Variants in PEBP4 observed in about 807,000 individuals in gnomAD.
The protein encoded by PEBP4 is phosphatidylethanolamine binding protein 4, also known as phosphatidylethanolamine-binding protein 4.
Under a neutral mutation model 23.9 loss-of-function variants are expected in PEBP4, and 22 were observed. The ratio of observed to expected loss-of-function variants is 0.92; its 90% confidence interval spans 0.66 to 1.31. The LOEUF is 1.31. Among genes scored for constraint, PEBP4 ranks in the 40% most tolerant of loss-of-function variants. The pLI is 0.00. For synonymous variants in PEBP4, 112 were observed against 99.3 expected (o/e 1.13, Z -0.76); for missense variants, 324 against 281.7 (o/e 1.15, Z -1.07).
chr8:22,803,104 T>C (rs1422029655), intron 4 of PEBP4, among the ~76,000 whole-genome samples: 1 of 152,106 alleles, frequency 6.6e-6, no homozygotes, highest in Admixed American at 6.6e-5. Context: ...CTCTCCTCAC[T>C]CTCCTCCCAG....
rs533694090 is a variant in PEBP4 at position 22,847,711 on chromosome 8, G to C, written c.259-29976C>G. Among the ~76,000 whole-genome samples the C allele has an allele frequency of 3.9e-5, 6 of 152,264 alleles. No homozygotes were observed. In the South Asian group the frequency reaches 1.2e-3, roughly 32 times the overall value. Reference sequence around the variant, plus strand: ...CCCCTGTCCCCTTCCCTACAAAGATGGTTGTCACCCCTAGGAACAGCATCA... The same window carrying C: ...CCCCTGTCCCCTTCCCTACAAAGATCGTTGTCACCCCTAGGAACAGCATCA... On this transcript the variant is annotated intron_variant, in intron 3 of 6. Transcript: ENST00000256404.
At chr8:22,804,131 A>T (rs1234486412) in intron 4 of PEBP4, among the ~76,000 whole-genome samples, 1 of 152,180 alleles carries the variant, frequency 6.6e-6, no homozygotes, top group Non-Finnish European at 1.5e-5. Context: ...GTGGTTCAAG[A>T]GCAACCTGGG....
rs1806534429 is a variant in PEBP4 at position 22,807,907 on chromosome 8, CCT to C, written c.357+9728_357+9729del. Among the ~76,000 whole-genome samples the C allele has an allele frequency of 2.0e-5, 3 of 147,428 alleles. No individual in the cohort carries two copies. In the South Asian group the frequency reaches 6.7e-4, roughly 33 times the overall value. On this transcript the variant is annotated intron_variant, in intron 4 of 6. Transcript: ENST00000256404. Reference sequence around the variant, plus strand: ...TCCATCCATCCATCCACCCACCCAACCTCTGTCCACCTATCCATTCATCCACC... The same window carrying C: ...TCCATCCATCCATCCACCCACCCAACCTGTCCACCTATCCATTCATCCACC...
chr8:22,878,753 G>C (rs1004883770), intron 3 of PEBP4, among the ~76,000 whole-genome samples: 1 of 152,206 alleles, frequency 6.6e-6, no homozygotes, highest in Non-Finnish European at 1.5e-5. Flanking sequence ...AGGGAACAGA[G>C]AGCAAACTGG....
chr8:22,776,590 C>A (rs1805819234), intron 4 of PEBP4, among the ~76,000 whole-genome samples: 1 of 151,814 alleles, frequency 6.6e-6, no homozygotes, highest in Non-Finnish European at 1.5e-5. Context: ...CAGCCGAGTC[C>A]TCTCTGCATT....
intron 3 of PEBP4, among the ~76,000 whole-genome samples, chr8:22,913,751 C>T (rs990863970): frequency 1.3e-5 from 2 of 152,210 alleles, no homozygotes; most frequent in African/African-American, 2.4e-5. Flanking sequence ...CCAGTCGACC[C>T]CTCAACCCCT....
chr8:22,855,031 CACACACACACACAT>C (rs142816583), intron 3 of PEBP4, among the ~76,000 whole-genome samples: 4,373 of 72,886 alleles, frequency 0.06, 168 homozygotes, highest in African/African-American at 0.13. Context: ...CACACACACA[CACACACACACACAT>C]GCACCCCAGG....
chr8:22,923,439 G>A lies in PEBP4; in HGVS notation c.132-3129C>T, dbSNP rs75147142. Among the ~76,000 whole-genome samples the A allele has an allele frequency of 4.5e-3, 690 of 152,174 alleles. 5 individuals are homozygous for A. Among genetic ancestry groups the A allele is most frequent in the Non-Finnish European group, 7.3e-3 (496 of 67,992 alleles). On this transcript the variant is annotated intron_variant, in intron 2 of 6. Coordinates refer to ENST00000256404, the MANE Select transcript of PEBP4 (RefSeq NM_144962.3). ...AAAAATTAGCCAAGTGTGGTGGTACGCATCTGTAGTCCAGCTATATGGGAG... is the reference window on the plus strand; with the variant it reads ...AAAAATTAGCCAAGTGTGGTGGTACACATCTGTAGTCCAGCTATATGGGAG...
upstream of PEBP4, among the ~76,000 whole-genome samples, chr8:22,928,943 C>T (rs774222251): frequency 6.6e-6 from 1 of 152,156 alleles, no homozygotes; most frequent in African/African-American, 2.4e-5. Flanking sequence ...CAACCTGTAG[C>T]AAAAAGCCCC....
intron 4 of PEBP4, among the ~76,000 whole-genome samples, chr8:22,804,600 T>G (rs757658827): frequency 1.3e-5 from 2 of 152,118 alleles, no homozygotes; most frequent in Non-Finnish European, 2.9e-5. Context: ...GACTTAATCA[T>G]CTTACATTAC....
intron 3 of PEBP4, among the ~76,000 whole-genome samples, chr8:22,854,984 A>C (rs1384807692): frequency 3.7e-5 from 5 of 133,604 alleles, no homozygotes; most frequent in South Asian, 2.8e-4. Flanking sequence ...ATGAGTGTGT[A>C]TGTGTGAGTA....
intron 3 of PEBP4, among the ~76,000 whole-genome samples, chr8:22,893,913 C>A (rs1808544389): frequency 6.6e-6 from 1 of 152,032 alleles, no homozygotes; most frequent in South Asian, 2.1e-4. Flanking sequence ...TGAAAAATGT[C>A]TTAATTTGAT....
rs1470145749 is a variant in PEBP4 at position 22,835,930 on chromosome 8, C to G, written c.259-18195G>C. ...CCTGGGGCTCCATCCTACATCCTGCCTCAAGTGGCTCACAGTTACTGAGGG... is the reference window on the plus strand; with the variant it reads ...CCTGGGGCTCCATCCTACATCCTGCGTCAAGTGGCTCACAGTTACTGAGGG... On this transcript the variant is annotated intron_variant, in intron 3 of 6. Transcript: ENST00000256404. Among the ~76,000 whole-genome samples the G allele has an allele frequency of 4.6e-5, 7 of 152,366 alleles. No homozygotes were observed. The East Asian group carries it at 1.3e-3, about 29-fold the overall frequency.
chr8:22,875,784 T>A (rs1808107626), intron 3 of PEBP4, among the ~76,000 whole-genome samples: 4 of 152,034 alleles, frequency 2.6e-5, no homozygotes, highest in Non-Finnish European at 4.4e-5. Flanking sequence ...CCCGGCGAAG[T>A]CTCAAGCCAC....
chr8:22,840,068 G>T (rs1807290820), intron 3 of PEBP4, among the ~76,000 whole-genome samples: 1 of 152,166 alleles, frequency 6.6e-6, no homozygotes, highest in Non-Finnish European at 1.5e-5. Context: ...TTTTTTCTGT[G>T]TGTGGGACAC....
At chr8:22,833,299 C>T (rs1241389773) in intron 3 of PEBP4, among the ~76,000 whole-genome samples, 2 of 152,178 alleles carry the variant, frequency 1.3e-5, no homozygotes, top group African/African-American at 2.4e-5. Flanking sequence ...CTGGAGTCTA[C>T]AGGAAACTGA....
At chr8:22,907,029 TCCTTGGAAGGTAA>T (rs796582735) in intron 3 of PEBP4, among the ~76,000 whole-genome samples, 14 of 152,350 alleles carry the variant, frequency 9.2e-5, no homozygotes, top group African/African-American at 3.4e-4. Flanking sequence ...CTGGAAGGCC[TCCTTGGAAGGTAA>T]CCTTTAAGCA....
intron 4 of PEBP4, among the ~76,000 whole-genome samples, chr8:22,731,354 T>G (rs1804727889): frequency 6.6e-6 from 1 of 152,232 alleles, no homozygotes; most frequent in East Asian, 1.9e-4. Flanking sequence ...GAGACCTTTA[T>G]GATGATCCAC....
intron 3 of PEBP4, among the ~76,000 whole-genome samples, chr8:22,901,313 A>C (rs1305442774): frequency 6.6e-6 from 1 of 152,150 alleles, no homozygotes. Context: ...CAAAATCACC[A>C]TTGGCTTATT....
Sources: allele counts gnomAD v4.1 joint callset (sites outside exome capture counted in the v4.1 genomes callset), GRCh38; gene constraint gnomAD v4.1.1; transcripts MANE v1.5; gene names NCBI Gene and HGNC (gene_info 2026-07-23, HGNC 2026-07-21).